Variants in INPP4B observed in about 807,000 individuals in gnomAD.
The protein encoded by INPP4B is inositol polyphosphate-4-phosphatase type II B.
INPP4B carries 55 observed loss-of-function variants against 122.5 expected under a neutral mutation model. The observed-to-expected ratio is 0.45, with a 90% CI of 0.36 to 0.56. INPP4B has a LOEUF of 0.56. INPP4B is among the 20% of genes least tolerant of loss of function. INPP4B has a pLI of 0.00. For missense variants in INPP4B, 1,000 were observed against 1,097.7 expected (o/e 0.91, Z 1.26); for synonymous variants, 403 against 388.7 (o/e 1.04, Z -0.43).
intron 2 of INPP4B, among the ~76,000 whole-genome samples, chr4:142,690,300 T>A (rs549423563): frequency 5.3e-5 from 8 of 152,272 alleles, no homozygotes; most frequent in Admixed American, 2.0e-4. Flanking sequence ...GTTTTAAAGG[T>A]AATGTTTGTT....
At chr4:142,785,181 T>C (rs920154039) in intron 1 of INPP4B, among the ~76,000 whole-genome samples, 2 of 152,104 alleles carry the variant, frequency 1.3e-5, no homozygotes, top group Admixed American at 6.6e-5. Context: ...CTGGTACCTA[T>C]AGCTATAGCA....
intron 18 of INPP4B, among the ~76,000 whole-genome samples, chr4:142,128,063 C>A (rs925463300): frequency 1.3e-5 from 2 of 151,946 alleles, no homozygotes; most frequent in Non-Finnish European, 2.9e-5. Flanking sequence ...TTAAAAAAAA[C>A]CCAAGCTTCA....
At chr4:142,669,632 C>A (rs537389635) in intron 2 of INPP4B, among the ~76,000 whole-genome samples, 5 of 152,256 alleles carry the variant, frequency 3.3e-5, no homozygotes, top group Non-Finnish European at 7.4e-5. Context: ...TTAGACCTTT[C>A]TCTCTCATCA....
At chr4:142,222,044 CT>C (rs1849595140) in intron 12 of INPP4B, among the ~76,000 whole-genome samples, 1 of 152,214 alleles carries the variant, frequency 6.6e-6, no homozygotes, top group South Asian at 2.1e-4. Flanking sequence ...ACTGCAACTT[CT>C]GCCTCCTGGG....
intron 1 of INPP4B, among the ~76,000 whole-genome samples, chr4:142,813,189 A>T (rs1779727464): frequency 6.6e-6 from 1 of 152,228 alleles, no homozygotes; most frequent in Non-Finnish European, 1.5e-5. Context: ...ATAATGAGTT[A>T]AAATGACACT....
chr4:142,224,672 T>A (rs551078818), intron 12 of INPP4B, among the ~76,000 whole-genome samples: 3 of 152,128 alleles, frequency 2.0e-5, no homozygotes, highest in Non-Finnish European at 4.4e-5. Flanking sequence ...GATAAAAATA[T>A]AGATTTAGGA....
chr4:142,326,182 T>C (rs1411733182), intron 7 of INPP4B, among the ~76,000 whole-genome samples: 1 of 152,242 alleles, frequency 6.6e-6, no homozygotes, highest in African/African-American at 2.4e-5. Context: ...CCGTCGGTTT[T>C]CTTGCACTAT....
Position 142,145,962 on chromosome 4 carries a change from T to A in INPP4B, c.1598A>T (p.Asn533Ile). 1 of 1,613,720 alleles carries A rather than the reference T, an allele frequency of 6.2e-7. No homozygotes were observed. Among genetic ancestry groups the A allele is most frequent in the Non-Finnish European group, 8.5e-7 (1 of 1,179,706 alleles). ...RVWANVGKSL[N>I]CIIAMVDKLI... ...TTTGTCCACCATAGCAATAATGCAG[T>A]TCAGGCTCTTCCCCACATTGGCCCA... Residue 533 changes from asparagine (N) to isoleucine (I), a missense_variant, in exon 18 of 26, where the codon AAC becomes ATC. Asn to Ile is a moderately radical substitution (Grantham distance 149). Coordinates refer to ENST00000262992, the MANE Select transcript of INPP4B (RefSeq NM_001101669.3).
At chr4:142,482,326 G>A (rs1042455235) in intron 2 of INPP4B, among the ~76,000 whole-genome samples, 1 of 152,114 alleles carries the variant, frequency 6.6e-6, no homozygotes. Context: ...CACACAGGAA[G>A]CCTATCTGTC....
At chr4:142,276,212 A>T (rs1748325859) in intron 9 of INPP4B, among the ~76,000 whole-genome samples, 1 of 151,804 alleles carries the variant, frequency 6.6e-6, no homozygotes, top group Admixed American at 6.6e-5. Flanking sequence ...TTCCTCCAGT[A>T]TCTGTTCCTT....
intron 9 of INPP4B, among the ~76,000 whole-genome samples, chr4:142,278,626 C>T (rs1488027013): frequency 6.6e-6 from 1 of 151,764 alleles, no homozygotes; most frequent in Non-Finnish European, 1.5e-5. Flanking sequence ...TTTCTCTATT[C>T]TCATGGCCCC....
chr4:142,448,269 G>A (rs1198010555), intron 3 of INPP4B, among the ~76,000 whole-genome samples: 2 of 141,258 alleles, frequency 1.4e-5, no homozygotes, highest in Admixed American at 1.5e-4. Flanking sequence ...CCCTTGTTTT[G>A]GTTTCCAAAC....
chr4:142,181,780 C>T (rs1830882161), intron 15 of INPP4B, among the ~76,000 whole-genome samples: 1 of 151,982 alleles, frequency 6.6e-6, no homozygotes, highest in Admixed American at 6.6e-5. Context: ...TTTGAGAGGG[C>T]TGCAGATAGA....
intron 2 of INPP4B, among the ~76,000 whole-genome samples, chr4:142,578,054 G>A (rs995537412): frequency 6.6e-6 from 1 of 151,962 alleles, no homozygotes; most frequent in Non-Finnish European, 1.5e-5. Context: ...CTAGGAGAGG[G>A]AAAAACCACA....
intron 7 of INPP4B, among the ~76,000 whole-genome samples, chr4:142,397,665 C>T (rs1799784726): frequency 6.6e-6 from 1 of 151,724 alleles, no homozygotes; most frequent in Non-Finnish European, 1.5e-5. Context: ...GGTGAAACCC[C>T]CGTCTCTACT....
intron 17 of INPP4B, among the ~76,000 whole-genome samples, chr4:142,150,520 T>A: frequency 6.6e-6 from 1 of 152,196 alleles, no homozygotes; most frequent in Middle Eastern, 3.2e-3. Flanking sequence ...TTAACCTCCA[T>A]GGAGCTTTCA....
At chr4:142,204,700 A>G (rs773318638) in intron 14 of INPP4B, among the ~76,000 whole-genome samples, 1 of 152,116 alleles carries the variant, frequency 6.6e-6, no homozygotes, top group Non-Finnish European at 1.5e-5. Flanking sequence ...AGACATACAT[A>G]GAGGGCAGGA....
chr4:142,240,212 T>A (rs1250524130), intron 11 of INPP4B, among the ~76,000 whole-genome samples: 1 of 151,822 alleles, frequency 6.6e-6, no homozygotes, highest in African/African-American at 2.4e-5. Flanking sequence ...CTTTTCTTTT[T>A]TTGTAAAGAC....
chr4:142,383,547 T>G (rs1051768223), intron 7 of INPP4B, among the ~76,000 whole-genome samples: 4 of 152,114 alleles, frequency 2.6e-5, no homozygotes, highest in Admixed American at 6.6e-5. Context: ...TTCCAATCTG[T>G]GGACACAATA....
Sources: gnomAD v4.1 joint callset for allele counts (sites outside exome capture counted in the v4.1 genomes callset) on GRCh38, gnomAD v4.1.1 for gene constraint, MANE v1.5 for transcripts, NCBI Gene and HGNC (gene_info 2026-07-23, HGNC 2026-07-21) for gene names.